Variants in CDH13 observed in about 807,000 individuals in gnomAD.
CDH13 encodes the protein cadherin-13.
Under a neutral mutation model 63.8 loss-of-function variants are expected in CDH13, and 24 were observed. That is an observed-to-expected ratio of 0.38 (90% CI 0.27 to 0.53). The LOEUF is 0.53. Ranked by LOEUF, CDH13 falls within the 20% of genes least tolerant of loss-of-function variation. The pLI is 0.85. For missense variants in CDH13, 1,049 were observed against 903.1 expected, an observed-to-expected ratio of 1.16 and a Z score of -2.07; for synonymous variants, 503 against 355.3, an observed-to-expected ratio of 1.42 and a Z score of -4.67.
intron 3 of CDH13, among the ~76,000 whole-genome samples, chr16:83,090,046 G>A (rs146338783): frequency 1.3e-5 from 2 of 152,092 alleles, no homozygotes; most frequent in Non-Finnish European, 2.9e-5. Flanking sequence ...AAAAGTCAGG[G>A]CTTGGGCATA....
chr16:82,941,147 A>C (rs968040711), intron 2 of CDH13, among the ~76,000 whole-genome samples: 9 of 152,244 alleles, frequency 5.9e-5, no homozygotes, highest in Non-Finnish European at 8.8e-5. Flanking sequence ...AGAGTGAACA[A>C]AATGCCTAAA....
chr16:83,246,589 A>T (rs1199374061), intron 5 of CDH13, among the ~76,000 whole-genome samples: 1 of 151,978 alleles, frequency 6.6e-6, no homozygotes, highest in Non-Finnish European at 1.5e-5. Context: ...ACCAATTCTT[A>T]TTGGTTTGAG....
At chr16:83,513,407 G>T (rs1198816077) in intron 7 of CDH13, among the ~76,000 whole-genome samples, 1 of 152,088 alleles carries the variant, frequency 6.6e-6, no homozygotes, top group Non-Finnish European at 1.5e-5. Flanking sequence ...TCCAAAAAGT[G>T]CAAACTTCTC....
chr16:83,280,457 C>G (rs1203970189), intron 5 of CDH13, among the ~76,000 whole-genome samples: 1 of 152,204 alleles, frequency 6.6e-6, no homozygotes, highest in East Asian at 1.9e-4. Flanking sequence ...CGTACTGTTT[C>G]CATCACATCT....
intron 6 of CDH13, among the ~76,000 whole-genome samples, chr16:83,457,832 C>G (rs545025553): frequency 6.6e-6 from 1 of 152,300 alleles, no homozygotes; most frequent in South Asian, 2.1e-4. Context: ...AGACATTTGT[C>G]TCTCTCCCAG....
chr16:83,609,511 TC>T (rs1908666107), intron 8 of CDH13, among the ~76,000 whole-genome samples: 2 of 152,254 alleles, frequency 1.3e-5, no homozygotes. Context: ...TAAATCTTTT[TC>T]CAATGTGTTT....
chr16:82,628,312 G>T (rs1907602821), intron 1 of CDH13, among the ~76,000 whole-genome samples: 2 of 152,196 alleles, frequency 1.3e-5, no homozygotes, highest in African/African-American at 4.8e-5. Context: ...AGTGCCTCAG[G>T]GTGCTAGGAA....
intron 2 of CDH13, among the ~76,000 whole-genome samples, chr16:82,977,613 C>T (rs920586017): frequency 2.0e-5 from 3 of 152,146 alleles, no homozygotes; most frequent in Non-Finnish European, 4.4e-5. Context: ...AACTCCCAGA[C>T]CTGCAGAACC....
At position 82,827,792 on chromosome 16, in the gene CDH13, G is replaced by A. The variant is rs569997998; in HGVS notation, c.46-30570G>A. The stretch of plus-strand genomic sequence containing the variant: ...TGGGTTATTTGAGCAGAACAATAAT[G>A]GTAAAGGGAAAATAGTAGTGAGATT... On this transcript the variant is annotated intron_variant, in intron 1 of 13. Transcript: ENST00000567109. Among the ~76,000 whole-genome samples the A allele has an allele frequency of 3.6e-4, 55 of 152,266 alleles. 1 individual carries two copies. The highest frequency in any genetic ancestry group is 1.2e-3 in the African/African-American group (49 of 41,526).
rs148385232 is a variant in CDH13, at chr16:83,266,568, C to T, written c.636+49071C>T. Among the ~76,000 whole-genome samples the T allele has an allele frequency of 5.0e-3, 767 of 152,332 alleles. 5 individuals carry two copies. The highest frequency in any genetic ancestry group is 0.018 in the African/African-American group (733 of 41,584). The stretch of plus-strand genomic sequence containing the variant: ...CTGTAACTAACACAGATAAAGTCTT[C>T]TGCTGGCATCATCTCCCCTCTTCAC... On this transcript the variant is annotated intron_variant, in intron 5 of 13. Coordinates refer to ENST00000567109, the MANE Select transcript of CDH13 (RefSeq NM_001257.5).
intron 5 of CDH13, among the ~76,000 whole-genome samples, chr16:83,309,120 T>TCCTGTTTCTTCTG (rs1567581020): frequency 6.6e-6 from 1 of 152,130 alleles, no homozygotes; most frequent in East Asian, 1.9e-4. Context: ...CTTTTGACTT[T>TCCTGTTTCTTCTG]CCTGTTTCTT....
chr16:83,779,129 G>T (rs981102846), intron 11 of CDH13, among the ~76,000 whole-genome samples: 1 of 152,030 alleles, frequency 6.6e-6, no homozygotes, highest in Admixed American at 6.6e-5. Flanking sequence ...TCTTAAGGCC[G>T]GATGCGGTGG....
At chr16:82,928,748 T>G (rs1298663996) in intron 2 of CDH13, among the ~76,000 whole-genome samples, 1 of 152,240 alleles carries the variant, frequency 6.6e-6, no homozygotes, top group Admixed American at 6.5e-5. Context: ...TAAGAGCAGA[T>G]GTAAGAAGAG....
At chr16:83,569,062 T>G (rs2150701876) in intron 7 of CDH13, among the ~76,000 whole-genome samples, 1 of 152,136 alleles carries the variant, frequency 6.6e-6, no homozygotes, top group East Asian at 1.9e-4. Context: ...CTGTCTGGCC[T>G]CCTCTCCTTT....
chr16:82,908,331 C>T (rs1415300301), intron 2 of CDH13, among the ~76,000 whole-genome samples: 2 of 152,026 alleles, frequency 1.3e-5, no homozygotes, highest in African/African-American at 2.4e-5. Context: ...CAAGTAGGAC[C>T]AGCTAGTAAT....
At chr16:82,971,289 TA>T (rs1908707363) in intron 2 of CDH13, among the ~76,000 whole-genome samples, 1 of 152,232 alleles carries the variant, frequency 6.6e-6, no homozygotes, top group African/African-American at 2.4e-5. Flanking sequence ...TTCCCTGCCT[TA>T]TCTCATTTCC....
At chr16:83,553,816 C>G (rs908792209) in intron 7 of CDH13, among the ~76,000 whole-genome samples, 2 of 152,244 alleles carry the variant, frequency 1.3e-5, no homozygotes, top group African/African-American at 4.8e-5. Context: ...CTTGGCCTCC[C>G]AAAGTGCTGG....
intron 3 of CDH13, among the ~76,000 whole-genome samples, chr16:83,093,088 A>G (rs1436254485): frequency 6.6e-6 from 1 of 152,104 alleles, no homozygotes; most frequent in African/African-American, 2.4e-5. Flanking sequence ...AGCAATTTCT[A>G]GACTCACTCA....
chr16:82,854,592 G>C (rs769801462), intron 1 of CDH13, among the ~76,000 whole-genome samples: 1 of 152,138 alleles, frequency 6.6e-6, no homozygotes. Flanking sequence ...AATAATTCAC[G>C]TGTAAGCGAA....
Sources: gnomAD v4.1 joint callset for allele counts (sites outside exome capture counted in the v4.1 genomes callset) on GRCh38, gnomAD v4.1.1 for gene constraint, MANE v1.5 for transcripts, NCBI Gene and HGNC (gene_info 2026-07-23, HGNC 2026-07-21) for gene names.